Variants in UNC5A observed in about 807,000 individuals in gnomAD.
UNC5A encodes the protein unc-5 netrin receptor A, also known as netrin receptor UNC5A.
Under a neutral mutation model 87.4 loss-of-function variants are expected in UNC5A, and 20 were observed. The ratio of observed to expected loss-of-function variants is 0.23; its 90% CI spans 0.16 to 0.33. The LOEUF is 0.33. Among genes scored for constraint, UNC5A ranks in the 10% least tolerant of loss-of-function variants. The pLI is 1.00. For synonymous variants in UNC5A, 438 were observed against 482.3 expected, an observed-to-expected ratio of 0.91 and a Z score of 1.20; for missense variants, 844 against 1,133.4, an observed-to-expected ratio of 0.74 and a Z score of 3.67.
In UNC5A at chr5:176,810,719, C is replaced by G; in HGVS notation, c.-32C>G. 1.0e-6 allele frequency: 1 copy of G among 1,001,696 alleles called. No homozygotes were observed. Among genetic ancestry groups the G allele is most frequent in the Non-Finnish European group, 1.2e-6 (1 of 824,802 alleles). The allele number at this position is 1,001,696 out of a possible 1,614,324, so 62.1% of individuals were successfully genotyped here. ...CCGCCCTCCCGCCCGCGGGGCCCCG[C>G]GCCCGGCCCGCCCGCCTGCCCGCCC... On this transcript the variant is annotated 5_prime_UTR_variant, in exon 1 of 15. Transcript: ENST00000329542. This position sits in a 1 kb window ranked among gnomAD's most constrained non-coding sequence, Gnocchi z 7.3.
At chr5:176,821,426 C>G (rs1455595628) in intron 1 of UNC5A, among the ~76,000 whole-genome samples, 1 of 152,212 alleles carries the variant, frequency 6.6e-6, no homozygotes, top group Non-Finnish European at 1.5e-5. Flanking sequence ...CTCAAGACCT[C>G]TTTCCTTTCA....
intron 1 of UNC5A, among the ~76,000 whole-genome samples, chr5:176,822,706 C>T (rs1756756498): frequency 6.6e-6 from 1 of 152,222 alleles, no homozygotes; most frequent in Non-Finnish European, 1.5e-5. Context: ...GCACCCCCTG[C>T]CTCTGCCCCA....
intron 1 of UNC5A, among the ~76,000 whole-genome samples, chr5:176,854,052 T>C (rs1441387557): frequency 6.7e-6 from 1 of 150,282 alleles, no homozygotes; most frequent in Non-Finnish European, 1.5e-5. Context: ...TGTACAGAGG[T>C]TTTTTATGTT....
At chr5:176,830,708 G>A (rs1312809194) in intron 1 of UNC5A, among the ~76,000 whole-genome samples, 1 of 133,662 alleles carries the variant, frequency 7.5e-6, no homozygotes, top group African/African-American at 2.7e-5. Context: ...GCACTGGCGC[G>A]TGTGTGTGCT....
chr5:176,849,532 C>T (rs1757490362), intron 1 of UNC5A, among the ~76,000 whole-genome samples: 1 of 152,194 alleles, frequency 6.6e-6, no homozygotes, highest in Admixed American at 6.5e-5. Flanking sequence ...TTGCAGTGAG[C>T]CAAGATCACG....
At chr5:176,859,991 A>G (rs113441691) in intron 1 of UNC5A, among the ~76,000 whole-genome samples, 5 of 152,348 alleles carry the variant, frequency 3.3e-5, no homozygotes, top group African/African-American at 9.6e-5. Flanking sequence ...AAATGCAGAC[A>G]TGAGGGATTG....
intron 1 of UNC5A, among the ~76,000 whole-genome samples, chr5:176,854,514 C>A (rs1290424702): frequency 6.6e-6 from 1 of 152,250 alleles, no homozygotes; most frequent in African/African-American, 2.4e-5. Context: ...CCCCTGCCCC[C>A]TGCCGCTGTG....
chr5:176,823,925 A>G (rs1002152728), intron 1 of UNC5A, among the ~76,000 whole-genome samples: 1 of 152,128 alleles, frequency 6.6e-6, no homozygotes, highest in African/African-American at 2.4e-5. Flanking sequence ...CTCAGGGCAC[A>G]GCACCTCCAC....
At chr5:176,872,991 TGCCCCAA>T (rs1758165751) in intron 6 of UNC5A, among the ~76,000 whole-genome samples, 1 of 6,602 alleles carries the variant, frequency 1.5e-4, no homozygotes. Context: ...TGCCCACACC[TGCCCCAA>T]CACCACAGTT....
intron 1 of UNC5A, among the ~76,000 whole-genome samples, chr5:176,861,945 C>T: frequency 6.6e-6 from 1 of 152,252 alleles, no homozygotes; most frequent in East Asian, 1.9e-4. Flanking sequence ...GGTTTTACCT[C>T]TGCCAGTGCC....
rs72811286 is a variant in UNC5A, at chr5:176,824,630, A to G, written c.70+13810A>G. The stretch of plus-strand genomic sequence containing the variant: ...CAGGCTTCTCTTGAAAAAGCAAAAG[A>G]TCTGGGCTGGGCCCAGCAAGCCCAT... On this transcript the variant is annotated intron_variant, in intron 1 of 14. Coordinates refer to ENST00000329542, the MANE Select transcript of UNC5A (RefSeq NM_133369.3). This position sits in a 1 kb window ranked among gnomAD's most constrained non-coding sequence, Gnocchi z 4.2. Among the ~76,000 whole-genome samples, 5,583 of 152,178 alleles carry G rather than the reference A, an allele frequency of 0.037. 144 individuals are homozygous for G. Among genetic ancestry groups the G allele is most frequent in the Non-Finnish European group, 0.057 (3,870 of 67,966 alleles).
At chr5:176,862,944 AC>A (rs2149364058) in intron 2 of UNC5A, 99 bp downstream of exon 2, 1 of 1,417,662 alleles carries the variant, frequency 7.1e-7, no homozygotes, top group African/African-American at 1.4e-5. Flanking sequence ...CCCACCTGGG[AC>A]CCCGGAGGCC....
rs55937571 is a variant in UNC5A at position 176,865,263 on chromosome 5, T to A, written c.292+2418T>A. Among the ~76,000 whole-genome samples, 8,149 of 152,268 alleles carry A rather than the reference T, an allele frequency of 0.054. 372 individuals carry two copies. Among genetic ancestry groups the A allele is most frequent in the African/African-American group, 0.12 (5,031 of 41,534 alleles). ...TGGAAGCTCCAGTCCAGCCCCCTGC[T>A]GCTCCCAGCACCCCCTTCCGGGCTC... On this transcript the variant is annotated intron_variant, in intron 2 of 14. Transcript: ENST00000329542. This position sits in a 1 kb window ranked among gnomAD's most constrained non-coding sequence, Gnocchi z 5.3.
rs536366442 is a variant in UNC5A at position 176,864,255 on chromosome 5, C to T, written c.292+1410C>T. Among the ~76,000 whole-genome samples, 41 of 152,258 alleles carry T rather than the reference C, an allele frequency of 2.7e-4. 1 individual carries two copies. Among genetic ancestry groups the T allele is most frequent in the African/African-American group, 9.1e-4 (38 of 41,558 alleles). Reference sequence around the variant, plus strand: ...GCCTGTAGAATGGAAGGTGCAGAGGCGCAGAACAGCCTTGGGTGGCTCGGG... The same window carrying T: ...GCCTGTAGAATGGAAGGTGCAGAGGTGCAGAACAGCCTTGGGTGGCTCGGG... On this transcript the variant is annotated intron_variant, in intron 2 of 14. Coordinates refer to ENST00000329542, the MANE Select transcript of UNC5A (RefSeq NM_133369.3).
chr5:176,879,588 C>T lies in UNC5A; in HGVS notation c.2363+100C>T, dbSNP rs936591157. 9.7e-6 allele frequency: 15 copies of T among 1,542,540 alleles called. No homozygotes were observed. In the African/African-American group the frequency reaches 1.4e-4, roughly 14 times the overall value. ...GACAGGAGGCCCTGTGGGGCCTGTG[C>T]CGCATCTACTAGTGGCCGGGGCAGT... On this transcript the variant is annotated intron_variant, in intron 14 of 14. Coordinates refer to ENST00000329542, the MANE Select transcript of UNC5A (RefSeq NM_133369.3).
chr5:176,880,036 A>G lies in UNC5A; in HGVS notation c.*150A>G, dbSNP rs1372925965. 11 of 1,093,448 alleles carry G rather than the reference A, an allele frequency of 1.0e-5. No individual in the cohort carries two copies. Among genetic ancestry groups the G allele is most frequent in the Non-Finnish European group, 1.4e-5 (11 of 790,324 alleles). 67.7% of individuals were successfully genotyped at this position (1,093,448 alleles called of 1,614,324 possible). A position where few individuals can be genotyped will look rare whatever the true frequency, so the allele number is the denominator to read the frequency against. The stretch of plus-strand genomic sequence containing the variant: ...AGCTGTCCCTTAATGCTGGTCCTTC[A>G]GACCCTGCCCGAACTCCCACCTCTC... On this transcript the variant is annotated 3_prime_UTR_variant, in exon 15 of 15. Transcript: ENST00000329542.
Position 176,880,863 on chromosome 5 carries a change from C to T in UNC5A, c.*977C>T, listed in dbSNP as rs540957910. On this transcript the variant is annotated 3_prime_UTR_variant, in exon 15 of 15. Coordinates refer to ENST00000329542, the MANE Select transcript of UNC5A (RefSeq NM_133369.3). The stretch of plus-strand genomic sequence containing the variant: ...CGGGGCACATAGGGGTTTTATCGGG[C>T]GTGAATGTAAATAAATTATATATAT... 8.2e-6 allele frequency: 4 copies of T among 486,566 alleles called. No homozygotes were observed. In the Admixed American group the frequency reaches 1.2e-4, roughly 14 times the overall value. 30.1% of individuals were successfully genotyped at this position (486,566 alleles called of 1,614,324 possible).
At chr5:176,868,021 G>T in intron 2 of UNC5A, 109 bp from the exon 3 acceptor site, 14 of 858,610 alleles carry the variant, frequency 1.6e-5, no homozygotes, top group East Asian at 3.0e-5. Flanking sequence ...AAAAAACAAA[G>T]TCCACTCCCT....
intron 1 of UNC5A, among the ~76,000 whole-genome samples, chr5:176,849,664 C>A (rs934462256): frequency 6.6e-6 from 1 of 152,204 alleles, no homozygotes; most frequent in African/African-American, 2.4e-5. Context: ...CCACCCAGCC[C>A]CTGAAGGCAC....
Sources: gnomAD v4.1 joint callset for allele counts (sites outside exome capture counted in the v4.1 genomes callset) on GRCh38, gnomAD v4.1.1 for gene constraint, Gnocchi (gnomAD v3.1) non-coding constraint, MANE v1.5 for transcripts, NCBI Gene and HGNC (gene_info 2026-07-23, HGNC 2026-07-21) for gene names.